Variants in C20orf203 observed in about 807,000 individuals in gnomAD.
C20orf203 encodes the protein uncharacterized protein C20orf203.
A neutral mutation model predicts 15.9 loss-of-function variants in C20orf203; 16 were observed. The observed-to-expected ratio is 1.01, with a 90% CI of 0.68 to 1.53. The LOEUF is 1.53. C20orf203 is among the 40% of genes most tolerant of loss of function. C20orf203 has a pLI of 0.00. For missense variants in C20orf203, 263 were observed against 247.5 expected (o/e 1.06, Z -0.42); for synonymous variants, 98 against 97.2 (o/e 1.01, Z -0.05).
At chr20:32,665,166 C>T (rs1051459860) in intron 1 of C20orf203, among the ~76,000 whole-genome samples, 1 of 152,204 alleles carries the variant, frequency 6.6e-6, no homozygotes, top group African/African-American at 2.4e-5. Context: ...GGCCCAAAGC[C>T]CCTCTCTGAT....
rs745488182 is a variant in C20orf203 at position 32,632,623 on chromosome 20, C to G, written c.*2947G>C. On this transcript the variant is annotated 3_prime_UTR_variant, in exon 6 of 6. Transcript: ENST00000608990. Reference sequence around the variant, plus strand: ...TCAGAGCTTCTTCCACAGCAGTACACGGGACCGCCTCGTTCTTTTTCATGC... The same window carrying G: ...TCAGAGCTTCTTCCACAGCAGTACAGGGGACCGCCTCGTTCTTTTTCATGC... 1.3e-5 allele frequency: 2 copies of G among 152,274 alleles called. No homozygotes were observed. The highest frequency in any genetic ancestry group is 4.8e-5 in the African/African-American group (2 of 41,562). The allele number at this position is 152,274 out of a possible 1,614,324, so 9.4% of individuals were successfully genotyped here.
In C20orf203 at chr20:32,633,858, C is replaced by T. The variant is rs1982066821; in HGVS notation, c.*1712G>A. 2 of 395,924 alleles carry T rather than the reference C, an allele frequency of 5.1e-6. No individual in the cohort carries two copies. The highest frequency in any genetic ancestry group is 2.9e-4 in the South Asian group (2 of 6,994). 24.5% of individuals were successfully genotyped at this position (395,924 alleles called of 1,614,324 possible). ...TGGAAGGAGGTCTTGCCGTCTGCCT[C>T]CCTACTCCTGACTTGGGGCCCCTGC... On this transcript the variant is annotated 3_prime_UTR_variant, in exon 6 of 6. Coordinates refer to ENST00000608990, the MANE Select transcript of C20orf203 (RefSeq NM_182584.4).
rs553733678 is a variant in C20orf203, at chr20:32,667,239, C to T, written c.-264+6393G>A. On this transcript the variant is annotated intron_variant, in intron 1 of 5. Transcript: ENST00000608990. ...GATTTTATTCCAAGAGCTTCGAGGT[C>T]GTGGGAGGGCTTTAAGCAGGGGCAT... 2.6e-5 allele frequency among the ~76,000 whole-genome samples: 4 copies of T among 152,186 alleles called. No homozygotes were observed. The South Asian group carries it at 8.3e-4, about 32-fold the overall frequency.
chr20:32,641,730 A>C (rs1183979414), intron 4 of C20orf203, among the ~76,000 whole-genome samples: 2 of 152,208 alleles, frequency 1.3e-5, no homozygotes, highest in East Asian at 1.9e-4. Flanking sequence ...AATATTGAGC[A>C]CCTTTCATTT....
At chr20:32,637,370 G>A (rs939531543) in intron 5 of C20orf203, among the ~76,000 whole-genome samples, 2 of 152,130 alleles carry the variant, frequency 1.3e-5, no homozygotes, top group East Asian at 1.9e-4. Context: ...CCAAGATCAC[G>A]CCACTGCTGC....
chr20:32,637,008 G>A (rs746913137), intron 5 of C20orf203, among the ~76,000 whole-genome samples: 2 of 152,234 alleles, frequency 1.3e-5, no homozygotes, highest in African/African-American at 2.4e-5. Context: ...ACCAGGGGCA[G>A]GGGCTGGGCT....
At chr20:32,670,029 C>T (rs896432080) in intron 1 of C20orf203, among the ~76,000 whole-genome samples, 1 of 151,882 alleles carries the variant, frequency 6.6e-6, no homozygotes, top group African/African-American at 2.4e-5. Flanking sequence ...GCTGAAACCT[C>T]GTCTCTACTA....
intron 4 of C20orf203, among the ~76,000 whole-genome samples, chr20:32,648,638 G>T (rs1982511640): frequency 7.5e-6 from 1 of 134,150 alleles, no homozygotes; most frequent in African/African-American, 2.8e-5. Context: ...GTTTTTAGTA[G>T]AGACAGGGTT....
intron 1 of C20orf203, among the ~76,000 whole-genome samples, chr20:32,667,420 T>C (rs1389409665): frequency 1.3e-5 from 2 of 152,212 alleles, no homozygotes; most frequent in African/African-American, 4.8e-5. Context: ...CTTCAGGGAA[T>C]ACTGACAAGG....
chr20:32,653,114 C>A (rs949886592), intron 1 of C20orf203, among the ~76,000 whole-genome samples: 4 of 152,168 alleles, frequency 2.6e-5, no homozygotes, highest in Non-Finnish European at 5.9e-5. Flanking sequence ...GGTGGCTCCT[C>A]TGGGCAGTGG....
intron 1 of C20orf203, among the ~76,000 whole-genome samples, chr20:32,658,769 G>A (rs1377105468): frequency 6.6e-6 from 1 of 151,966 alleles, no homozygotes; most frequent in Non-Finnish European, 1.5e-5. Context: ...TGGAGCTACA[G>A]GGAGATGGAG....
At chr20:32,639,750 G>C (rs560625237) in intron 5 of C20orf203, among the ~76,000 whole-genome samples, 81 of 151,816 alleles carry the variant, frequency 5.3e-4, no homozygotes, top group Non-Finnish European at 1.0e-3. Flanking sequence ...CCACCTCCAG[G>C]CTCTCCCAAG....
Position 32,632,509 on chromosome 20 carries a change from G to GT in C20orf203, c.*3060dup, listed in dbSNP as rs1443561536. 2 of 152,188 alleles carry GT rather than the reference G, an allele frequency of 1.3e-5. No individual in the cohort carries two copies. Among genetic ancestry groups the GT allele is most frequent in the East Asian group, 3.9e-4 (2 of 5,194 alleles). The allele number at this position is 152,188 out of a possible 1,614,324, so 9.4% of individuals were successfully genotyped here. A position where few individuals can be genotyped will look rare whatever the true frequency, so the allele number is the denominator to read the frequency against. ...CATGTGCGCACTGGAGCACATGCAC[G>GT]TGTGTTCCTGCCCCCTCCTTGGTAC... is the stretch of plus-strand genomic sequence containing the variant. On this transcript the variant is annotated 3_prime_UTR_variant, in exon 6 of 6. Coordinates refer to ENST00000608990, the MANE Select transcript of C20orf203 (RefSeq NM_182584.4).
chr20:32,652,714 G>T (rs1600934391), intron 1 of C20orf203, among the ~76,000 whole-genome samples: 1 of 152,150 alleles, frequency 6.6e-6, no homozygotes, highest in South Asian at 2.1e-4. Context: ...CCCCCTTCCA[G>T]GTAGCCAGAC....
At chr20:32,643,659 A>T (rs1328047469) in intron 4 of C20orf203, among the ~76,000 whole-genome samples, 1 of 114,668 alleles carries the variant, frequency 8.7e-6, no homozygotes, top group East Asian at 2.1e-4. Flanking sequence ...ACACACACAC[A>T]CACACACACA....
chr20:32,655,226 G>C (rs1306783569), intron 1 of C20orf203, among the ~76,000 whole-genome samples: 1 of 152,138 alleles, frequency 6.6e-6, no homozygotes, highest in Non-Finnish European at 1.5e-5. Context: ...TCATAAATAT[G>C]ATACCAAAAG....
chr20:32,657,941 C>T (rs1019899062), intron 1 of C20orf203: 10 of 149,138 alleles, frequency 6.7e-5, no homozygotes, highest in Admixed American at 2.7e-4. Context: ...GCCTGGGCAA[C>T]AGAGCTAGAC....
At chr20:32,654,945 C>CA (rs1234916314) in intron 1 of C20orf203, among the ~76,000 whole-genome samples, 2 of 152,126 alleles carry the variant, frequency 1.3e-5, no homozygotes, top group African/African-American at 4.8e-5. Context: ...GTGGTACTGG[C>CA]ATAAGGACAG....
chr20:32,640,115 G>A (rs1381901774), intron 5 of C20orf203, among the ~76,000 whole-genome samples: 2 of 152,272 alleles, frequency 1.3e-5, no homozygotes, highest in Non-Finnish European at 2.9e-5. Flanking sequence ...TGACATCAAA[G>A]ATGTTTACCA....
Sources: gnomAD v4.1 joint callset for allele counts (sites outside exome capture counted in the v4.1 genomes callset) on GRCh38, gnomAD v4.1.1 for gene constraint, MANE v1.5 for transcripts, NCBI Gene and HGNC (gene_info 2026-07-23, HGNC 2026-07-21) for gene names.